Variants in EPB41 observed in about 807,000 individuals in gnomAD.
EPB41 encodes protein 4.1.
In EPB41, 65 loss-of-function variants were observed where a neutral mutation model predicts 108.0. The observed-to-expected ratio is 0.60, with a 90% confidence interval of 0.49 to 0.74. The LOEUF (loss-of-function observed/expected upper bound fraction) is 0.74. Ranked by LOEUF, EPB41 falls within the 30% of genes least tolerant of loss-of-function variation. The pLI is 0.00. For synonymous variants in EPB41, 336 were observed against 358.9 expected, an observed-to-expected ratio of 0.94 and a Z score of 0.72; for missense variants, 875 against 1,037.0, an observed-to-expected ratio of 0.84 and a Z score of 2.15.
intron 17 of EPB41, among the ~76,000 whole-genome samples, chr1:29,106,563 G>GGTTTT (rs1558324414): frequency 2.7e-5 from 1 of 37,146 alleles, no homozygotes. Context: ...GAGTAGCTGG[G>GGTTTT]ATTTTTTTTT....
intron 4 of EPB41, among the ~76,000 whole-genome samples, chr1:29,001,440 A>G (rs2096291923): frequency 6.6e-6 from 1 of 152,130 alleles, no homozygotes; most frequent in East Asian, 1.9e-4. Context: ...CATCCTGGGG[A>G]TGTGCTTTGC....
intron 1 of EPB41, among the ~76,000 whole-genome samples, chr1:28,901,879 C>A (rs2091354809): frequency 6.6e-6 from 1 of 152,164 alleles, no homozygotes; most frequent in South Asian, 2.1e-4. Context: ...GTCCTCTAAC[C>A]TTAGCACTGT....
intron 4 of EPB41, among the ~76,000 whole-genome samples, chr1:29,005,265 G>C (rs900028677): frequency 6.6e-6 from 1 of 152,008 alleles, no homozygotes; most frequent in Non-Finnish European, 1.5e-5. Context: ...TATGTACTTT[G>C]AAACAACCAG....
rs116349035 is a variant in EPB41, at chr1:29,107,569, G to A, written c.2314-1767G>A. ...TTGGCTGAAGAAAATATTAGTTAGC[G>A]GCTGGGCGCGGTGGCTCAAAGAGCT... On this transcript the variant is annotated intron_variant, in intron 17 of 20. Coordinates refer to ENST00000343067, the MANE Select transcript of EPB41 (RefSeq NM_001376013.1). Among the ~76,000 whole-genome samples the A allele has an allele frequency of 9.8e-3, 1,486 of 152,134 alleles. 14 individuals are homozygous for A. The highest frequency in any genetic ancestry group is 0.078 in the Middle Eastern group (23 of 294).
At chr1:29,044,858 C>CAATAA (rs1314048702) in intron 11 of EPB41, among the ~76,000 whole-genome samples, 1 of 152,006 alleles carries the variant, frequency 6.6e-6, no homozygotes, top group African/African-American at 2.4e-5. Flanking sequence ...TCAAAAATAA[C>CAATAA]AATAAAATAA....
intron 16 of EPB41, among the ~76,000 whole-genome samples, chr1:29,089,856 G>A (rs1226965156): frequency 6.6e-6 from 1 of 152,100 alleles, no homozygotes; most frequent in Non-Finnish European, 1.5e-5. Context: ...AAGCACTTTA[G>A]CAGCATAATA....
chr1:29,041,704 CTTAATAGAACCATCTA>C (rs1459526759), intron 11 of EPB41, among the ~76,000 whole-genome samples: 1 of 151,472 alleles, frequency 6.6e-6, no homozygotes, highest in Non-Finnish European at 1.5e-5. Flanking sequence ...ATTGTCTAAT[CTTAATAGAACCATCTA>C]TTAATAGAAC....
intron 18 of EPB41, among the ~76,000 whole-genome samples, chr1:29,111,242 A>T (rs1430955884): frequency 1.1e-4 from 17 of 152,164 alleles, no homozygotes; most frequent in South Asian, 4.1e-4. Flanking sequence ...ACAGAAATGT[A>T]TGAGAGAAGA....
intron 1 of EPB41, among the ~76,000 whole-genome samples, chr1:28,948,803 G>A (rs1390051663): frequency 2.0e-5 from 3 of 151,766 alleles, no homozygotes; most frequent in South Asian, 4.2e-4. Context: ...ACAAAAATTA[G>A]CTGGGCATGG....
intron 1 of EPB41, among the ~76,000 whole-genome samples, chr1:28,947,477 G>T (rs1424551153): frequency 6.6e-6 from 1 of 151,902 alleles, no homozygotes; most frequent in Non-Finnish European, 1.5e-5. Context: ...GAGGGCAAAT[G>T]GCTTTCTTTT....
upstream of EPB41, among the ~76,000 whole-genome samples, chr1:28,913,947 C>T (rs992971442): frequency 6.6e-6 from 1 of 152,186 alleles, no homozygotes; most frequent in African/African-American, 2.4e-5. Flanking sequence ...AAGACAGGTT[C>T]AATCTTGGCG....
intron 1 of EPB41, among the ~76,000 whole-genome samples, chr1:28,924,934 C>T (rs868729717): frequency 2.6e-4 from 40 of 151,220 alleles, no homozygotes; most frequent in Middle Eastern, 6.8e-3. Context: ...GGAGCTGAGA[C>T]TACAGGCACA....
chr1:28,923,936 A>G (rs1272642748), intron 1 of EPB41, among the ~76,000 whole-genome samples: 1 of 151,906 alleles, frequency 6.6e-6, no homozygotes, highest in Non-Finnish European at 1.5e-5. Context: ...CCTCCCCTTG[A>G]GTGGGGGCTA....
intron 1 of EPB41, among the ~76,000 whole-genome samples, chr1:28,939,552 TC>T (rs996411616): frequency 6.6e-6 from 1 of 152,146 alleles, no homozygotes; most frequent in African/African-American, 2.4e-5. Context: ...CAAGCGATTC[TC>T]CTGGCTCAGC....
chr1:29,016,422 C>T (rs2096580130), intron 6 of EPB41, among the ~76,000 whole-genome samples: 2 of 150,974 alleles, frequency 1.3e-5, no homozygotes, highest in African/African-American at 4.9e-5. Context: ...CTCCTAACCT[C>T]AGGTGATCTG....
rs997414728 is a variant in EPB41 at position 29,048,236 on chromosome 1, C to T, written c.1637-4868C>T. 5.3e-5 allele frequency among the ~76,000 whole-genome samples: 8 copies of T among 150,216 alleles called. 1 individual carries two copies. The highest frequency in any genetic ancestry group is 9.8e-5 in the African/African-American group (4 of 40,782). On this transcript the variant is annotated intron_variant, in intron 11 of 20. Transcript: ENST00000343067. ...TCTTTATTATTTTCTTTTTTTGAGA[C>T]GGAGTTTTGCTCTCGTTGCCTAGGC...
At chr1:28,966,186 CAA>C (rs1027579939) in intron 1 of EPB41, among the ~76,000 whole-genome samples, 2 of 111,718 alleles carry the variant, frequency 1.8e-5, no homozygotes, top group African/African-American at 3.3e-5. Context: ...AACTCCGTCT[CAA>C]AAAAAAAAAA....
Position 29,115,852 on chromosome 1 carries a change from A to G in EPB41, c.*6+49A>G, listed in dbSNP as rs1670763126. The stretch of plus-strand genomic sequence containing the variant: ...TGAGGGTGCCCACAGTCCCAGCCTG[A>G]GAGGGCTCTGGATGGGACCCTCGGA... On this transcript the variant is annotated intron_variant, in intron 20 of 20. Coordinates refer to ENST00000343067, the MANE Select transcript of EPB41 (RefSeq NM_001376013.1). The surrounding 1 kb of genome is among the most constrained non-coding windows in gnomAD (Gnocchi z 4.4). 7 of 1,453,678 alleles carry G rather than the reference A, an allele frequency of 4.8e-6. No homozygotes were observed. In the East Asian group the frequency reaches 1.6e-4, roughly 33 times the overall value. The allele number at this position is 1,453,678 out of a possible 1,614,324, so 90.0% of individuals were successfully genotyped here. A position where few individuals can be genotyped will look rare whatever the true frequency, so the allele number is the denominator to read the frequency against.
upstream of EPB41, among the ~76,000 whole-genome samples, chr1:28,914,111 T>C (rs1019679656): frequency 4.6e-5 from 7 of 151,996 alleles, no homozygotes; most frequent in Non-Finnish European, 8.8e-5. Flanking sequence ...TTACCCGAGG[T>C]CACTAAGCGT....
Sources: gnomAD v4.1 joint callset for allele counts (sites outside exome capture counted in the v4.1 genomes callset) on GRCh38, gnomAD v4.1.1 for gene constraint, Gnocchi (gnomAD v3.1) non-coding constraint, MANE v1.5 for transcripts, NCBI Gene and HGNC (gene_info 2026-07-23, HGNC 2026-07-21) for gene names.